The following ARHGAP39 variants were observed in gnomAD, a reference collection of about 807,000 sequenced individuals.
ARHGAP39 encodes the protein rho GTPase-activating protein 39.
In ARHGAP39, 44 loss-of-function variants were observed where a neutral mutation model predicts 106.9. That is an observed-to-expected ratio of 0.41 (90% CI 0.32 to 0.53). The LOEUF (loss-of-function observed/expected upper bound fraction) is 0.53. ARHGAP39 is among the 20% of genes least tolerant of loss of function. ARHGAP39 has a pLI of 0.21. For synonymous variants in ARHGAP39, 768 were observed against 693.2 expected (o/e 1.11, Z -1.69); for missense variants, 1,496 against 1,577.3 (o/e 0.95, Z 0.87).
chr8:144,602,418 T>G (rs941981828), intron 2 of ARHGAP39, among the ~76,000 whole-genome samples: 12 of 144,720 alleles, frequency 8.3e-5, no homozygotes, highest in Non-Finnish European at 1.5e-4. Flanking sequence ...TGTGTGCTTG[T>G]GTACCTGTGT....
chr8:144,605,246 G>A (rs999118607), intron 2 of ARHGAP39, among the ~76,000 whole-genome samples: 1 of 152,216 alleles, frequency 6.6e-6, no homozygotes, highest in African/African-American at 2.4e-5. Context: ...GGACAACCGA[G>A]TGAGACCCTG....
intron 3 of ARHGAP39, among the ~76,000 whole-genome samples, chr8:144,565,582 G>A (rs1417236507): frequency 3.3e-5 from 5 of 151,962 alleles, no homozygotes; most frequent in Non-Finnish European, 5.9e-5. Context: ...CCAGCCACTC[G>A]GGAGGCTGAG....
At chr8:144,558,197 A>G (rs1279106525) in intron 3 of ARHGAP39, among the ~76,000 whole-genome samples, 1 of 152,286 alleles carries the variant, frequency 6.6e-6, no homozygotes, top group Non-Finnish European at 1.5e-5. Context: ...ACTTGAATAC[A>G]TAACAGAGAA....
At position 144,530,784 on chromosome 8, in the gene ARHGAP39, C is replaced by A. The variant is rs1299180455; in HGVS notation, c.3068G>T (p.Ser1023Ile). Residue 1023 changes from serine to isoleucine, a missense_variant, in exon 11 of 12, where the codon AGC becomes ATC. Transcript: ENST00000377307. The stretch of plus-strand genomic sequence containing the variant: ...CACCACGGCCACCGCCGCCTCGGGG[C>A]TGTCGTAGTGCGCGATGCACTGCTC... ...FYEQCIAHYD[S>I]PEAAVAVVHA... 2 of 1,611,814 alleles carry A rather than the reference C, an allele frequency of 1.2e-6. No individual in the cohort carries two copies. The highest frequency in any genetic ancestry group is 1.7e-6 in the Non-Finnish European group (2 of 1,179,594).
chr8:144,661,120 G>A (rs533073586), intron 1 of ARHGAP39, among the ~76,000 whole-genome samples: 5 of 152,282 alleles, frequency 3.3e-5, no homozygotes, highest in Non-Finnish European at 5.9e-5. Flanking sequence ...CAGCACCGCC[G>A]TGAAAACACA....
chr8:144,629,800 A>C (rs113974615), intron 1 of ARHGAP39, among the ~76,000 whole-genome samples: 3 of 151,814 alleles, frequency 2.0e-5, no homozygotes, highest in African/African-American at 7.3e-5. Context: ...TGGCCGGGGG[A>C]CTTTAAGCTG....
chr8:144,669,900 C>T (rs943707096), intron 1 of ARHGAP39, among the ~76,000 whole-genome samples: 3 of 152,192 alleles, frequency 2.0e-5, no homozygotes, highest in Non-Finnish European at 4.4e-5. Flanking sequence ...AACATTGGAA[C>T]CTTATGTATC....
intron 1 of ARHGAP39, among the ~76,000 whole-genome samples, chr8:144,654,482 T>C (rs1017904364): frequency 6.6e-6 from 1 of 152,186 alleles, no homozygotes; most frequent in Non-Finnish European, 1.5e-5. Flanking sequence ...CCAGCCTGGA[T>C]GACAGAACAA....
chr8:144,530,868 G>A lies in ARHGAP39; in HGVS notation c.2984C>T (p.Ser995Phe). ...TGLEDPHVPA[S>F]LLKLWYRELE... ...CTCCCGGTACCACAGCTTCAGCAGG[G>A]ACGCTGGGGACACAGCACGGGGCTC... is the stretch of plus-strand genomic sequence containing the variant. The change falls in exon 11 of 12, where the codon TCC becomes TTC. Residue 995 changes from serine to phenylalanine, a missense_variant. By Grantham distance (155) the Ser-to-Phe change is radical. Around this residue, in one of 4 missense-constraint regions of ARHGAP39, gnomAD observed 470 missense variants for 605.1 expected, o/e 0.78. Coordinates refer to ENST00000377307, the MANE Select transcript of ARHGAP39 (RefSeq NM_025251.3). 6.2e-7 allele frequency: 1 copy of A among 1,608,192 alleles called. No homozygotes were observed. Among genetic ancestry groups the A allele is most frequent in the Non-Finnish European group, 8.5e-7 (1 of 1,178,894 alleles).
chr8:144,627,192 GA>G (rs1254353710), intron 1 of ARHGAP39, among the ~76,000 whole-genome samples: 1 of 152,202 alleles, frequency 6.6e-6, no homozygotes, highest in Non-Finnish European at 1.5e-5. Context: ...ACAGGCGGGG[GA>G]CACAGGAGGG....
At chr8:144,664,964 G>C (rs947776514) in intron 1 of ARHGAP39, among the ~76,000 whole-genome samples, 2 of 152,210 alleles carry the variant, frequency 1.3e-5, no homozygotes, top group Non-Finnish European at 2.9e-5. Flanking sequence ...ACAGTTTGGA[G>C]GGTTCAAAAG....
At chr8:144,654,965 C>T (rs1821660515) in intron 1 of ARHGAP39, among the ~76,000 whole-genome samples, 1 of 152,188 alleles carries the variant, frequency 6.6e-6, no homozygotes, top group Non-Finnish European at 1.5e-5. Flanking sequence ...ACCCAAACAT[C>T]CCTGCACTCT....
At chr8:144,695,860 A>G in the ARHGAP39 span, among the ~76,000 whole-genome samples, 3 of 152,202 alleles carry the variant, frequency 2.0e-5, no homozygotes, top group Non-Finnish European at 4.4e-5. Flanking sequence ...TCGCCACAGT[A>G]TCTTATCAAT....
rs564098934 is a variant in ARHGAP39, at chr8:144,534,029, T to C, written c.2688+100A>G. ...GGGCTCCATGTGGCACCCTCTGCGC[T>C]GCTGCCCCATACCAAACTGCAGGCG... On this transcript the variant is annotated intron_variant, in intron 8 of 11. Transcript: ENST00000377307. The C allele has an allele frequency of 2.9e-4, 397 of 1,366,440 alleles. 2 individuals are homozygous for C. The highest frequency in any genetic ancestry group is 5.9e-5 in the Non-Finnish European group (58 of 979,460). The allele number at this position is 1,366,440 out of a possible 1,614,324, so 84.6% of individuals were successfully genotyped here.
chr8:144,667,412 TC>T (rs1821991295), intron 1 of ARHGAP39, among the ~76,000 whole-genome samples: 1 of 150,362 alleles, frequency 6.7e-6, no homozygotes, highest in Non-Finnish European at 1.5e-5. Flanking sequence ...CTCCAGGCCC[TC>T]CCTCATCCTG....
intron 2 of ARHGAP39, among the ~76,000 whole-genome samples, chr8:144,600,368 A>G (rs982110528): frequency 3.8e-4 from 54 of 143,854 alleles, no homozygotes; most frequent in African/African-American, 1.4e-3. Context: ...ATGCGTGCAC[A>G]CTTGGGTACC....
rs563965700 is a variant in ARHGAP39, at chr8:144,591,740, C to T, written c.81-10463G>A. On this transcript the variant is annotated intron_variant, in intron 2 of 11. Coordinates refer to ENST00000377307, the MANE Select transcript of ARHGAP39 (RefSeq NM_025251.3). The surrounding 1 kb of genome is among the most constrained non-coding windows in gnomAD (Gnocchi z 5.3). ...CAGAACTCAGGACGCACACCAAGGA[C>T]AGGACCACATGGACGCAGGTCAAAC... Among the ~76,000 whole-genome samples the T allele has an allele frequency of 1.3e-5, 2 of 152,350 alleles. No individual in the cohort carries two copies. Among genetic ancestry groups the T allele is most frequent in the African/African-American group, 4.8e-5 (2 of 41,582 alleles).
chr8:144,658,425 C>T (rs62529933), intron 1 of ARHGAP39, among the ~76,000 whole-genome samples: 3,523 of 152,300 alleles, frequency 0.023, 76 homozygotes, highest in Middle Eastern at 0.044. Context: ...CAGGCATGTG[C>T]CACCATGCCC....
Position 144,679,751 on chromosome 8 carries a change from C to A in ARHGAP39, c.-82+5935G>T, listed in dbSNP as rs185350203. Among the ~76,000 whole-genome samples the A allele has an allele frequency of 1.7e-4, 26 of 152,292 alleles. No individual in the cohort carries two copies. Among genetic ancestry groups the A allele is most frequent in the Admixed American group, 1.5e-3 (23 of 15,300 alleles). ...ATCCCAGCACTTTGGGAGGCCAAGG[C>A]GGGCGGATCACGAGGTCAGGAGATC... On this transcript the variant is annotated intron_variant, in intron 1 of 11. Coordinates refer to ENST00000377307, the MANE Select transcript of ARHGAP39 (RefSeq NM_025251.3). The surrounding 1 kb of genome is among the most constrained non-coding windows in gnomAD (Gnocchi z 4.7).
Sources: allele counts gnomAD v4.1 joint callset (sites outside exome capture counted in the v4.1 genomes callset), GRCh38; gene constraint gnomAD v4.1.1; regional missense constraint gnomAD v4.1.1; non-coding constraint Gnocchi (gnomAD v3.1); transcripts MANE v1.5; gene names NCBI Gene and HGNC (gene_info 2026-07-23, HGNC 2026-07-21).